SDK1: variants seen among roughly 807,000 people sequenced by gnomAD.
SDK1 encodes protein sidekick-1.
A neutral mutation model predicts 245.5 loss-of-function variants in SDK1; 157 were observed. That is an observed-to-expected ratio of 0.64 (90% CI 0.56 to 0.73). The LOEUF (loss-of-function observed/expected upper bound fraction) is 0.73, where lower values mean the gene tolerates loss of function less well. Among genes scored for constraint, SDK1 ranks in the 30% least tolerant of loss-of-function variants. The pLI is 0.00. For missense variants in SDK1, 3,583 were observed against 3,002.3 expected (o/e 1.19, Z -4.52); for synonymous variants, 1,647 against 1,278.5 (o/e 1.29, Z -6.15).
chr7:4,122,871 A>C (rs527653111), intron 25 of SDK1, among the ~76,000 whole-genome samples: 2 of 152,334 alleles, frequency 1.3e-5, no homozygotes, highest in African/African-American at 4.8e-5. Flanking sequence ...AAAACTTTGC[A>C]ACTCCATGGC....
chr7:3,370,822 C>T (rs966645233), intron 1 of SDK1, among the ~76,000 whole-genome samples: 2 of 152,186 alleles, frequency 1.3e-5, no homozygotes, highest in Non-Finnish European at 2.9e-5. Flanking sequence ...TTGGGTCATG[C>T]TGAGTGGTCC....
chr7:3,791,167 A>AC lies in SDK1; in HGVS notation c.714-30283_714-30282insC, dbSNP rs938218048. Among the ~76,000 whole-genome samples, 375 of 149,770 alleles carry AC rather than the reference A, an allele frequency of 2.5e-3. 1 individual carries two copies. Among genetic ancestry groups the AC allele is most frequent in the African/African-American group, 7.3e-3 (299 of 40,816 alleles). On this transcript the variant is annotated intron_variant, in intron 4 of 44. Coordinates refer to ENST00000404826, the MANE Select transcript of SDK1 (RefSeq NM_152744.4). The stretch of plus-strand genomic sequence containing the variant: ...CATAAGTGGTAGTTTAAAAACAACA[A>AC]AAAAAAAAACACCTGTACCATTAAG...
intron 1 of SDK1, among the ~76,000 whole-genome samples, chr7:3,465,182 C>T (rs192626876): frequency 5.9e-5 from 9 of 152,184 alleles, no homozygotes; most frequent in Admixed American, 5.9e-4. Context: ...TCAGGGTGAG[C>T]CCTAGAGTGT....
intron 11 of SDK1, among the ~76,000 whole-genome samples, chr7:3,969,980 G>A (rs1341822669): frequency 7.2e-5 from 11 of 152,206 alleles, no homozygotes; most frequent in Admixed American, 7.2e-4. Flanking sequence ...AAAATCTTCA[G>A]CTTTTGCACT....
intron 4 of SDK1, among the ~76,000 whole-genome samples, chr7:3,798,411 G>T (rs959202969): frequency 6.6e-6 from 1 of 151,798 alleles, no homozygotes; most frequent in Non-Finnish European, 1.5e-5. Flanking sequence ...TAGAGACAGG[G>T]TTTCACCGTG....
At chr7:3,692,169 A>T (rs1784455650) in intron 4 of SDK1, among the ~76,000 whole-genome samples, 1 of 152,092 alleles carries the variant, frequency 6.6e-6, no homozygotes, top group South Asian at 2.1e-4. Flanking sequence ...CTGTTCAGAG[A>T]CCCAACATAA....
intron 4 of SDK1, among the ~76,000 whole-genome samples, chr7:3,808,641 C>T (rs991712079): frequency 6.6e-6 from 1 of 152,166 alleles, no homozygotes; most frequent in Non-Finnish European, 1.5e-5. Flanking sequence ...AGCTCCCAGC[C>T]TTGTTGATAA....
chr7:3,811,830 C>G (rs1367808201), intron 4 of SDK1, among the ~76,000 whole-genome samples: 2 of 152,190 alleles, frequency 1.3e-5, no homozygotes, highest in Non-Finnish European at 2.9e-5. Flanking sequence ...TTATTAATAC[C>G]TTGTAGGCTA....
At chr7:3,776,868 A>G (rs989548556) in intron 4 of SDK1, among the ~76,000 whole-genome samples, 5 of 152,190 alleles carry the variant, frequency 3.3e-5, no homozygotes, top group African/African-American at 1.2e-4. Context: ...CATAACCACC[A>G]TATAGTGAAA....
chr7:4,001,769 G>A (rs6964566), intron 14 of SDK1, among the ~76,000 whole-genome samples: 1 of 152,132 alleles, frequency 6.6e-6, no homozygotes, highest in African/African-American at 2.4e-5. Context: ...CATCTACTTC[G>A]TACTCTTTCT....
chr7:4,236,667 G>C (rs891764182), intron 41 of SDK1, among the ~76,000 whole-genome samples: 1 of 152,054 alleles, frequency 6.6e-6, no homozygotes, highest in East Asian at 1.9e-4. Flanking sequence ...AGGATTTTAG[G>C]GGGGACAACT....
intron 1 of SDK1, among the ~76,000 whole-genome samples, chr7:3,476,799 G>GC (rs1285922968): frequency 1.3e-5 from 2 of 152,164 alleles, no homozygotes; most frequent in African/African-American, 2.4e-5. Context: ...CATACACCCA[G>GC]CAAGGTGGCT....
intron 5 of SDK1, among the ~76,000 whole-genome samples, chr7:3,896,420 G>A (rs73674333): frequency 0.052 from 7,875 of 152,168 alleles, 671 homozygotes; most frequent in African/African-American, 0.17. Flanking sequence ...GGCCTTGGTA[G>A]TTTCCTTACC....
intron 1 of SDK1, among the ~76,000 whole-genome samples, chr7:3,406,063 T>A (rs1026371622): frequency 2.0e-5 from 3 of 152,220 alleles, no homozygotes; most frequent in African/African-American, 7.2e-5. Flanking sequence ...TCCACCTGCC[T>A]TGGCCTCCCA....
intron 4 of SDK1, among the ~76,000 whole-genome samples, chr7:3,656,005 G>T (rs1022310560): frequency 6.6e-6 from 1 of 152,148 alleles, no homozygotes; most frequent in African/African-American, 2.4e-5. Context: ...CGTGAAGTAC[G>T]CATGGTGTGG....
chr7:3,896,367 G>C (rs1781605659), intron 5 of SDK1, among the ~76,000 whole-genome samples: 1 of 152,140 alleles, frequency 6.6e-6, no homozygotes, highest in African/African-American at 2.4e-5. Flanking sequence ...TCCTGGCCTT[G>C]TGTGGGCTGT....
chr7:4,241,247 C>A (rs568545776), intron 42 of SDK1, among the ~76,000 whole-genome samples: 1 of 152,196 alleles, frequency 6.6e-6, no homozygotes, highest in African/African-American at 2.4e-5. Context: ...GTCACACTCC[C>A]ACACATTTAT....
intron 5 of SDK1, among the ~76,000 whole-genome samples, chr7:3,905,674 G>A (rs916318878): frequency 6.6e-6 from 1 of 151,892 alleles, no homozygotes; most frequent in Non-Finnish European, 1.5e-5. Context: ...TGTCCAGGCT[G>A]GAGTGCAGTG....
Position 3,646,568 on chromosome 7 carries a change from AGGGTTCACACCCG to A in SDK1, c.713+4466_713+4478del, listed in dbSNP as rs547654144. On this transcript the variant is annotated intron_variant, in intron 4 of 44. Coordinates refer to ENST00000404826, the MANE Select transcript of SDK1 (RefSeq NM_152744.4). ...GCCCCCAGCCAATACACACAGAGCC[AGGGTTCACACCCG>A]GGTCTGCCTGACACTCAGTCTCATG... Among the ~76,000 whole-genome samples, 24 of 152,356 alleles carry A rather than the reference AGGGTTCACACCCG, an allele frequency of 1.6e-4. No homozygotes were observed. The South Asian group carries it at 4.8e-3, about 30-fold the overall frequency.
Sources: allele counts gnomAD v4.1 joint callset (sites outside exome capture counted in the v4.1 genomes callset), GRCh38; gene constraint gnomAD v4.1.1; transcripts MANE v1.5; gene names NCBI Gene and HGNC (gene_info 2026-07-23, HGNC 2026-07-21).